Variants in EGFLAM observed in about 807,000 individuals in gnomAD.
EGFLAM encodes pikachurin.
In EGFLAM, 79 loss-of-function variants were observed where a neutral mutation model predicts 113.1. That is an observed-to-expected ratio of 0.70 (90% confidence interval 0.58 to 0.84). The LOEUF (loss-of-function observed/expected upper bound fraction) is 0.84, where lower values mean the gene tolerates loss of function less well. Among genes scored for constraint, EGFLAM ranks in the 40% least tolerant of loss-of-function variants. EGFLAM has a pLI of 0.00. For missense variants in EGFLAM, 1,265 were observed against 1,291.6 expected (o/e 0.98, Z 0.32); for synonymous variants, 504 against 487.6 (o/e 1.03, Z -0.44).
chr5:38,310,299 G>A (rs2111855926), intron 1 of EGFLAM, among the ~76,000 whole-genome samples: 1 of 152,220 alleles, frequency 6.6e-6, no homozygotes, highest in African/African-American at 2.4e-5. Flanking sequence ...TGAGAGAGTT[G>A]GAGTCCAAAT....
rs371654597 is a variant in EGFLAM at position 38,367,213 on chromosome 5, CA to C, written c.546-3082del. Among the ~76,000 whole-genome samples the C allele has an allele frequency of 4.6e-5, 7 of 151,538 alleles. No individual in the cohort carries two copies. The East Asian group carries it at 9.7e-4, about 21-fold the overall frequency. On this transcript the variant is annotated intron_variant, in intron 5 of 21. Transcript: ENST00000322350. ...CTAGGCTGGAGTACATTGGTGCAAT[CA>C]TAGCTCGCAGCAGCCTCAACCTCCC...
In EGFLAM at chr5:38,425,001, G is replaced by T. The variant is rs780933739; in HGVS notation, c.1719G>T (p.Ser573=). ...ECSSGICDEA[S]CIHGGTCTAI... ...GCAGTGGAATCTGTGATGAGGCCTC[G>T]TGCATCCATGGTGGCACCTGCACAG... Residue 573 remains serine, a synonymous_variant, in exon 13 of 22, where the codon TCG becomes TCT. Transcript: ENST00000322350. 2 of 1,613,980 alleles carry T rather than the reference G, an allele frequency of 1.2e-6. No individual in the cohort carries two copies.
intron 16 of EGFLAM, among the ~76,000 whole-genome samples, chr5:38,437,650 C>T (rs559133550): frequency 2.0e-5 from 3 of 152,234 alleles, no homozygotes; most frequent in South Asian, 4.1e-4. Flanking sequence ...CTTAAGAGCC[C>T]GCCAGGTGGT....
chr5:38,273,942 A>G lies in EGFLAM; in HGVS notation c.97+15091A>G, dbSNP rs371001846. Among the ~76,000 whole-genome samples the G allele has an allele frequency of 1.5e-4, 23 of 152,346 alleles. No homozygotes were observed. The East Asian group carries it at 2.3e-3, about 15-fold the overall frequency. On this transcript the variant is annotated intron_variant, in intron 1 of 21. Coordinates refer to ENST00000322350, the MANE Select transcript of EGFLAM (RefSeq NM_152403.4). Reference sequence around the variant, plus strand: ...AAAGTAGCTGTTTTAAGGAAGTTCAATGAACTTCAATAAAATGCGTAGAAA... The same window carrying G: ...AAAGTAGCTGTTTTAAGGAAGTTCAGTGAACTTCAATAAAATGCGTAGAAA...
At chr5:38,349,952 T>TACACACAC (rs60439871) in intron 3 of EGFLAM, among the ~76,000 whole-genome samples, 30 of 144,280 alleles carry the variant, frequency 2.1e-4, no homozygotes, top group Non-Finnish European at 3.9e-4. Context: ...GCAGGGGAAG[T>TACACACAC]ACACACACAC....
intron 6 of EGFLAM, among the ~76,000 whole-genome samples, chr5:38,375,230 G>A (rs1179931418): frequency 2.0e-5 from 3 of 152,108 alleles, no homozygotes; most frequent in Non-Finnish European, 2.9e-5. Context: ...GTATATTTCG[G>A]TATAGCCCTA....
intron 6 of EGFLAM, among the ~76,000 whole-genome samples, chr5:38,385,936 G>A (rs1025930389): frequency 6.6e-6 from 1 of 152,156 alleles, no homozygotes; most frequent in Non-Finnish European, 1.5e-5. Context: ...AGGATCTATG[G>A]TATAGCTTAT....
chr5:38,353,119 C>T (rs1320501314), intron 5 of EGFLAM, among the ~76,000 whole-genome samples: 3 of 152,210 alleles, frequency 2.0e-5, no homozygotes, highest in African/African-American at 7.2e-5. Flanking sequence ...TTTCTTTCAT[C>T]TACCTCTCCA....
chr5:38,345,452 T>C (rs1422382649), intron 3 of EGFLAM: 1 of 152,220 alleles, frequency 6.6e-6, no homozygotes, highest in East Asian at 1.9e-4. Context: ...TTTTCTCTTC[T>C]ATAGATGTGA....
At chr5:38,265,608 C>T (rs1757613647) in intron 1 of EGFLAM, among the ~76,000 whole-genome samples, 1 of 152,206 alleles carries the variant, frequency 6.6e-6, no homozygotes, top group African/African-American at 2.4e-5. Context: ...TTGTGGACCT[C>T]GCCTTCGAGG....
intron 11 of EGFLAM, among the ~76,000 whole-genome samples, chr5:38,414,003 G>T (rs897985116): frequency 1.3e-5 from 2 of 152,114 alleles, no homozygotes; most frequent in African/African-American, 4.8e-5. Flanking sequence ...GGAGATGCTC[G>T]CTCACCCCGC....
chr5:38,406,040 C>A, intron 6 of EGFLAM, 86 bp from the exon 7 acceptor site: 1 of 1,025,394 alleles, frequency 9.8e-7, no homozygotes, highest in Non-Finnish European at 1.6e-6. Flanking sequence ...CCATTCGGTA[C>A]AGCTCTGCCT....
chr5:38,289,143 T>C (rs1480234191), intron 1 of EGFLAM, among the ~76,000 whole-genome samples: 1 of 152,184 alleles, frequency 6.6e-6, no homozygotes, highest in Non-Finnish European at 1.5e-5. Flanking sequence ...TCCTCTACTC[T>C]TGCCTCTTTC....
At chr5:38,388,103 G>A (rs116551926) in intron 6 of EGFLAM, among the ~76,000 whole-genome samples, 2,742 of 152,276 alleles carry the variant, frequency 0.018, 111 homozygotes, top group African/African-American at 0.063. Context: ...TTTAAATCAT[G>A]GATATTCATT....
chr5:38,459,615 A>G (rs1021280323), intron 20 of EGFLAM, among the ~76,000 whole-genome samples: 1 of 152,222 alleles, frequency 6.6e-6, no homozygotes, highest in Non-Finnish European at 1.5e-5. Flanking sequence ...CTGAGAATTT[A>G]TCATAACCCT....
At chr5:38,279,297 G>A (rs1346604670) in intron 1 of EGFLAM, among the ~76,000 whole-genome samples, 1 of 152,166 alleles carries the variant, frequency 6.6e-6, no homozygotes, top group African/African-American at 2.4e-5. Context: ...AGCCATTATG[G>A]AAAGCAGTAT....
At chr5:38,378,545 C>T (rs979383892) in intron 6 of EGFLAM, among the ~76,000 whole-genome samples, 1 of 152,198 alleles carries the variant, frequency 6.6e-6, no homozygotes, top group Non-Finnish European at 1.5e-5. Context: ...GGCTACAAAG[C>T]AATCAGGAAG....
intron 6 of EGFLAM, among the ~76,000 whole-genome samples, chr5:38,400,291 A>T (rs1741074575): frequency 6.6e-6 from 1 of 152,234 alleles, no homozygotes; most frequent in Admixed American, 6.5e-5. Flanking sequence ...TTTTTTTATA[A>T]AATAAAAGTC....
chr5:38,386,945 G>C (rs1358307594), intron 6 of EGFLAM, among the ~76,000 whole-genome samples: 1 of 152,206 alleles, frequency 6.6e-6, no homozygotes, highest in Non-Finnish European at 1.5e-5. Context: ...AAAATGCTCT[G>C]CAGCACGGAG....
Sources: allele counts gnomAD v4.1 joint callset (sites outside exome capture counted in the v4.1 genomes callset), GRCh38; gene constraint gnomAD v4.1.1; transcripts MANE v1.5; gene names NCBI Gene and HGNC (gene_info 2026-07-23, HGNC 2026-07-21).